The following ADAMTS20 variants were observed in gnomAD, a reference collection of about 807,000 sequenced individuals.
The protein encoded by ADAMTS20 is ADAM metallopeptidase with thrombospondin type 1 motif 20.
ADAMTS20 carries 225 observed loss-of-function variants against 260.1 expected under a neutral mutation model. That is an observed-to-expected ratio of 0.87 (90% CI 0.78 to 0.97). The LOEUF (loss-of-function observed/expected upper bound fraction) is 0.97, where lower values mean the gene tolerates loss of function less well. ADAMTS20 is among the 50% of genes least tolerant of loss of function. The pLI is 0.00. For synonymous variants in ADAMTS20, 802 were observed against 769.5 expected (o/e 1.04, Z -0.70); for missense variants, 2,400 against 2,337.7 (o/e 1.03, Z -0.55).
rs755934637 is a variant in ADAMTS20, at chr12:43,492,621, T to A, written c.960A>T (p.Pro320=). 6.2e-7 allele frequency: 1 copy of A among 1,613,794 alleles called. No individual in the cohort carries two copies. Among genetic ancestry groups the A allele is most frequent in the South Asian group, 1.1e-5 (1 of 91,070 alleles). ...LVMIHREEEG[P]VINFDGATTL... ...TGGTAGCACCATCAAAATTAATGAC[T>A]GGTCCTTCCTATGCAAAATAAGCAA... The change falls in exon 6 of 39, where the codon CCA becomes CCT. Residue 320 remains proline (P), a synonymous_variant. Coordinates refer to ENST00000389420, the MANE Select transcript of ADAMTS20 (RefSeq NM_025003.5).
At chr12:43,506,781 T>G (rs1353071218) in intron 3 of ADAMTS20, among the ~76,000 whole-genome samples, 2 of 54,882 alleles carry the variant, frequency 3.6e-5, no homozygotes, top group Non-Finnish European at 6.6e-5. Context: ...CCTGGCCACC[T>G]TTTTTTTTTT....
At chr12:43,518,119 T>A (rs541529976) in intron 3 of ADAMTS20, among the ~76,000 whole-genome samples, 5 of 152,200 alleles carry the variant, frequency 3.3e-5, no homozygotes, top group South Asian at 4.1e-4. Flanking sequence ...ATCACCTTTT[T>A]TCTTAATGAA....
chr12:43,486,328 A>G lies in ADAMTS20; in HGVS notation c.1117+4067T>C, dbSNP rs183703910. On this transcript the variant is annotated intron_variant, in intron 7 of 38. Coordinates refer to ENST00000389420, the MANE Select transcript of ADAMTS20 (RefSeq NM_025003.5). ...AGCATACAAAAATATAAATTGGGGAAAGAATACCCTATTTAATAAATGGTG... is the reference window on the plus strand; with the variant it reads ...AGCATACAAAAATATAAATTGGGGAGAGAATACCCTATTTAATAAATGGTG... Among the ~76,000 whole-genome samples the G allele has an allele frequency of 6.5e-3, 991 of 152,334 alleles. 10 individuals carry two copies. Among genetic ancestry groups the G allele is most frequent in the South Asian group, 0.015 (73 of 4,830 alleles).
At chr12:43,518,990 A>C (rs1032210097) in intron 3 of ADAMTS20, among the ~76,000 whole-genome samples, 3 of 152,086 alleles carry the variant, frequency 2.0e-5, no homozygotes, top group Non-Finnish European at 4.4e-5. Context: ...CAATTATTGC[A>C]GTATACTGCA....
intron 37 of ADAMTS20, among the ~76,000 whole-genome samples, chr12:43,358,968 T>C (rs1371673605): frequency 6.6e-6 from 1 of 152,116 alleles, no homozygotes; most frequent in Non-Finnish European, 1.5e-5. Flanking sequence ...TTCCAATACT[T>C]CATTTAAGAT....
intron 2 of ADAMTS20, among the ~76,000 whole-genome samples, chr12:43,538,936 A>ATT (rs35418565): frequency 6.9e-6 from 1 of 145,912 alleles, no homozygotes; most frequent in Non-Finnish European, 1.5e-5. Context: ...TAATTCTTTA[A>ATT]TTTTTTTATG....
chr12:43,528,448 C>A (rs529091583), intron 3 of ADAMTS20, among the ~76,000 whole-genome samples: 11 of 145,734 alleles, frequency 7.5e-5, no homozygotes, highest in Non-Finnish European at 1.3e-4. Context: ...CAGTATGGTA[C>A]TGGCATAAAA....
At chr12:43,496,943 C>T (rs1383364508) in intron 4 of ADAMTS20, among the ~76,000 whole-genome samples, 2 of 152,188 alleles carry the variant, frequency 1.3e-5, no homozygotes, top group South Asian at 2.1e-4. Flanking sequence ...GACCATGGAG[C>T]GTATCATAGG....
At chr12:43,462,075 T>A (rs1645901534) in intron 11 of ADAMTS20, among the ~76,000 whole-genome samples, 1 of 152,216 alleles carries the variant, frequency 6.6e-6, no homozygotes, top group Admixed American at 6.5e-5. Flanking sequence ...ATAGCTATTA[T>A]AAATATTTCA....
chr12:43,376,794 A>T (rs1173723493), intron 32 of ADAMTS20, 141 bp from the exon 33 acceptor site: 10 of 954,000 alleles, frequency 1.0e-5, no homozygotes, highest in Admixed American at 9.9e-5. Context: ...ACACAAAACT[A>T]TGCTGGGGGC....
At position 43,368,646 on chromosome 12, in the gene ADAMTS20, T is replaced by C. The variant is rs548178518; in HGVS notation, c.5538+644A>G. Among the ~76,000 whole-genome samples, 21 of 152,156 alleles carry C rather than the reference T, an allele frequency of 1.4e-4. No individual in the cohort carries two copies. The South Asian group carries it at 4.3e-3, about 31-fold the overall frequency. ...ATTCATATATTCAATTAGCAATGAGTCACCTAAAAGTGCTATATTCATCTA... is the reference window on the plus strand; with the variant it reads ...ATTCATATATTCAATTAGCAATGAGCCACCTAAAAGTGCTATATTCATCTA... On this transcript the variant is annotated intron_variant, in intron 37 of 38. Coordinates refer to ENST00000389420, the MANE Select transcript of ADAMTS20 (RefSeq NM_025003.5).
chr12:43,504,507 A>AT (rs1432583998), intron 3 of ADAMTS20, among the ~76,000 whole-genome samples: 1 of 152,112 alleles, frequency 6.6e-6, no homozygotes, highest in Non-Finnish European at 1.5e-5. Flanking sequence ...TTTTCTTGCC[A>AT]TTTTCTCCTG....
chr12:43,417,923 A>G (rs1392987454), intron 28 of ADAMTS20, among the ~76,000 whole-genome samples: 1 of 152,214 alleles, frequency 6.6e-6, no homozygotes, highest in Non-Finnish European at 1.5e-5. Flanking sequence ...AGGAAGATAT[A>G]TGAACTCTAT....
intron 28 of ADAMTS20, among the ~76,000 whole-genome samples, chr12:43,416,546 C>G (rs999358396): frequency 8.0e-6 from 1 of 124,454 alleles, no homozygotes; most frequent in Non-Finnish European, 1.6e-5. Flanking sequence ...TTTTTTGAGA[C>G]GGAGTCTCAC....
At chr12:43,454,301 A>C (rs971279033) in intron 11 of ADAMTS20, among the ~76,000 whole-genome samples, 2 of 152,196 alleles carry the variant, frequency 1.3e-5, no homozygotes, top group African/African-American at 4.8e-5. Flanking sequence ...AGGAAGGAAA[A>C]ATTAAATAGT....
intron 18 of ADAMTS20, among the ~76,000 whole-genome samples, chr12:43,435,237 ATG>A (rs1485494595): frequency 6.6e-6 from 1 of 152,218 alleles, no homozygotes; most frequent in East Asian, 1.9e-4. Flanking sequence ...TTAATGCAAG[ATG>A]TTAATAATAG....
intron 29 of ADAMTS20, among the ~76,000 whole-genome samples, chr12:43,395,484 T>C (rs74238359): frequency 0.022 from 3,409 of 152,054 alleles, 58 homozygotes; most frequent in East Asian, 0.085. Flanking sequence ...TTTCTTTTCT[T>C]TTTTTTCCAA....
At chr12:43,464,502 A>G in intron 10 of ADAMTS20, 89 bp downstream of exon 10, 1 of 1,439,880 alleles carries the variant, frequency 6.9e-7, no homozygotes, top group Non-Finnish European at 9.4e-7. Flanking sequence ...AGCTATATTT[A>G]GTTCAAGAGA....
chr12:43,484,759 A>G (rs1565568125), intron 7 of ADAMTS20, among the ~76,000 whole-genome samples: 1 of 152,166 alleles, frequency 6.6e-6, no homozygotes, highest in Non-Finnish European at 1.5e-5. Context: ...AAGTTTGTAA[A>G]ATCTATTTGA....
Sources: gnomAD v4.1 joint callset for allele counts (sites outside exome capture counted in the v4.1 genomes callset) on GRCh38, gnomAD v4.1.1 for gene constraint, MANE v1.5 for transcripts, NCBI Gene and HGNC (gene_info 2026-07-23, HGNC 2026-07-21) for gene names.